The following OR2L13 variants were observed in gnomAD, a reference collection of about 807,000 sequenced individuals.
OR2L13 encodes olfactory receptor 2L13.
OR2L13 carries 14 observed loss-of-function variants against 15.3 expected under a neutral mutation model. The observed-to-expected ratio is 0.91, with a 90% CI of 0.60 to 1.43. The LOEUF is 1.43. Among genes scored for constraint, OR2L13 ranks in the 40% most tolerant of loss-of-function variants. The pLI, the probability that OR2L13 is intolerant of heterozygous loss-of-function variation, is 0.00. For synonymous variants in OR2L13, 152 were observed against 142.9 expected (o/e 1.06, Z -0.45); for missense variants, 367 against 387.9 (o/e 0.95, Z 0.45).
At chr1:247,940,763 C>G in the OR2L13 span, among the ~76,000 whole-genome samples, 1 of 144,872 alleles carries the variant, frequency 6.9e-6, no homozygotes. Flanking sequence ...TGTGCGCGCG[C>G]TAAGCAATGG....
chr1:247,977,466 G>A, the OR2L13 span, among the ~76,000 whole-genome samples: 3 of 152,266 alleles, frequency 2.0e-5, no homozygotes, highest in South Asian at 6.2e-4. Flanking sequence ...AATGATTCCT[G>A]TAGATACTTT....
chr1:247,990,719 GCTCCATCAA>G, the OR2L13 span: 1 of 1,556,674 alleles, frequency 6.4e-7, no homozygotes, highest in African/African-American at 1.4e-5. Flanking sequence ...TGGATGATAG[GCTCCATCAA>G]CTCTTGTGCT....
chr1:248,003,164 A>G, the OR2L13 span: 3 of 1,421,646 alleles, frequency 2.1e-6, no homozygotes, highest in South Asian at 1.1e-5. Context: ...AACTGATTTC[A>G]TCTTACTGGG....
At chr1:247,946,927 C>T in the OR2L13 span, among the ~76,000 whole-genome samples, 1 of 152,080 alleles carries the variant, frequency 6.6e-6, no homozygotes, top group Non-Finnish European at 1.5e-5. Flanking sequence ...TTTAAGAATA[C>T]TAACTTCACT....
upstream of OR2L13, among the ~76,000 whole-genome samples, chr1:248,092,968 T>C (rs1387700017): frequency 6.6e-6 from 1 of 152,064 alleles, no homozygotes; most frequent in East Asian, 1.9e-4. Flanking sequence ...GAAATGGAAA[T>C]GTAAAAAGGA....
At chr1:248,071,133 A>G in the OR2L13 span, among the ~76,000 whole-genome samples, 2 of 152,244 alleles carry the variant, frequency 1.3e-5, no homozygotes, top group Admixed American at 6.5e-5. Context: ...TTATGAGGCC[A>G]ACATCATCCT....
the OR2L13 span, among the ~76,000 whole-genome samples, chr1:248,054,693 C>A: frequency 6.6e-6 from 1 of 152,066 alleles, no homozygotes; most frequent in Non-Finnish European, 1.5e-5. Context: ...ATTTTATTAT[C>A]TTTGTGGCAA....
At chr1:247,984,088 A>G in the OR2L13 span, among the ~76,000 whole-genome samples, 1 of 152,168 alleles carries the variant, frequency 6.6e-6, no homozygotes, top group Non-Finnish European at 1.5e-5. Context: ...ATTTGCTTCA[A>G]GGTTCCGTCT....
the OR2L13 span, among the ~76,000 whole-genome samples, chr1:247,994,599 A>G: frequency 6.6e-6 from 1 of 152,208 alleles, no homozygotes; most frequent in Non-Finnish European, 1.5e-5. Flanking sequence ...AATGGTGGTT[A>G]CTAGCAGTGG....
upstream of OR2L13, among the ~76,000 whole-genome samples, chr1:248,093,484 A>G (rs1386909822): frequency 6.6e-6 from 1 of 152,214 alleles, no homozygotes; most frequent in East Asian, 1.9e-4. Flanking sequence ...ACATTGCAGC[A>G]GGGAAAAACA....
chr1:248,041,411 A>T, the OR2L13 span: 1 of 152,202 alleles, frequency 6.6e-6, no homozygotes, highest in Non-Finnish European at 1.5e-5. Context: ...AAACCCTAGA[A>T]GAAAACCTAG....
the OR2L13 span, chr1:248,003,839 T>C: frequency 6.2e-7 from 1 of 1,613,432 alleles, no homozygotes; most frequent in Non-Finnish European, 8.5e-7. Context: ...GAAGAAGGCC[T>C]ACCTGACCTG....
At chr1:247,978,473 T>C in the OR2L13 span, among the ~76,000 whole-genome samples, 1 of 152,214 alleles carries the variant, frequency 6.6e-6, no homozygotes, top group Non-Finnish European at 1.5e-5. Flanking sequence ...GGGACATTTG[T>C]ATTTGGGCTT....
chr1:247,956,951 G>T, the OR2L13 span, among the ~76,000 whole-genome samples: 9 of 152,014 alleles, frequency 5.9e-5, no homozygotes, highest in African/African-American at 2.2e-4. Flanking sequence ...TCTCCTGCCT[G>T]ATTGCCCTGG....
At chr1:247,965,615 AGATGG>A in the OR2L13 span, 3 of 1,560,100 alleles carry the variant, frequency 1.9e-6, no homozygotes, top group African/African-American at 4.1e-5. Context: ...ACAGTGCCCA[AGATGG>A]CAGTCAGCTT....
the OR2L13 span, chr1:248,042,287 T>C: frequency 7.1e-6 from 1 of 139,932 alleles, no homozygotes; most frequent in Non-Finnish European, 1.5e-5. Flanking sequence ...TTCTCACTCA[T>C]AGGTGGGAAT....
the OR2L13 span, chr1:247,966,059 T>C: frequency 7.4e-6 from 12 of 1,614,066 alleles, no homozygotes; most frequent in South Asian, 1.1e-4. Flanking sequence ...GTATTCCAGA[T>C]GAGCTCAGGA....
chr1:248,085,436 T>TAAATAAAATAAAATAAAATAAAAA, the OR2L13 span, among the ~76,000 whole-genome samples: 19 of 84,546 alleles, frequency 2.2e-4, no homozygotes, highest in South Asian at 1.2e-3. Context: ...TAAAATAAAA[T>TAAATAAAATAAAATAAAATAAAAA]AATAAAATAA....
chr1:248,010,119 C>T, the OR2L13 span, among the ~76,000 whole-genome samples: 2 of 152,030 alleles, frequency 1.3e-5, no homozygotes, highest in Admixed American at 1.3e-4. Flanking sequence ...ATAAGGATGC[C>T]CTCTCTCACC....
Sources: allele counts gnomAD v4.1 joint callset (sites outside exome capture counted in the v4.1 genomes callset), GRCh38; gene constraint gnomAD v4.1.1; transcripts MANE v1.5; gene names NCBI Gene and HGNC (gene_info 2026-07-23, HGNC 2026-07-21).